NCAM1: variants seen among roughly 807,000 people sequenced by gnomAD.
NCAM1 encodes antigen recognized by monoclonal antibody 5.1H11.
In NCAM1, 14 loss-of-function variants were observed where a neutral mutation model predicts 109.8. The observed-to-expected ratio is 0.13, with a 90% CI of 0.08 to 0.20. The LOEUF (loss-of-function observed/expected upper bound fraction) is 0.20. NCAM1 is among the 10% of genes least tolerant of loss of function. The pLI is 1.00. For missense variants in NCAM1, 774 were observed against 1,109.9 expected, an observed-to-expected ratio of 0.70 and a Z score of 4.30; for synonymous variants, 418 against 442.9, an observed-to-expected ratio of 0.94 and a Z score of 0.70.
chr11:113,218,334 C>T (rs72995511), intron 8 of NCAM1, among the ~76,000 whole-genome samples: 17 of 152,250 alleles, frequency 1.1e-4, no homozygotes, highest in Non-Finnish European at 2.1e-4. Context: ...CTTGATGCCA[C>T]GGTGCCACAG....
rs546652886 is a variant in NCAM1, at chr11:112,971,290, T to C, written c.52+9626T>C. Among the ~76,000 whole-genome samples the C allele has an allele frequency of 2.6e-5, 4 of 152,106 alleles. No individual in the cohort carries two copies. The South Asian group carries it at 8.3e-4, about 32-fold the overall frequency. On this transcript the variant is annotated intron_variant, in intron 1 of 19. Coordinates refer to ENST00000316851, the MANE Select transcript of NCAM1 (RefSeq NM_181351.5). ...TCTCTCTGTGTAATATGTAACTTGG[T>C]TGTAATGGAAAATACATTCTTTTGG...
chr11:112,967,190 G>A (rs1193707565), intron 1 of NCAM1, among the ~76,000 whole-genome samples: 2 of 152,288 alleles, frequency 1.3e-5, no homozygotes, highest in East Asian at 3.9e-4. Context: ...GAGATAAGGT[G>A]TAAAATGCCT....
intron 1 of NCAM1, among the ~76,000 whole-genome samples, chr11:113,189,449 CAAAAA>C (rs10712434): frequency 1.7e-5 from 2 of 118,024 alleles, no homozygotes; most frequent in Admixed American, 8.7e-5. Context: ...GATTCTGTCT[CAAAAA>C]AAAAAAAAAA....
intron 1 of NCAM1, among the ~76,000 whole-genome samples, chr11:113,082,748 C>T (rs1303424388): frequency 6.6e-6 from 1 of 152,194 alleles, no homozygotes; most frequent in Non-Finnish European, 1.5e-5. Context: ...TCAGACCTGG[C>T]TCGGCAAGGT....
chr11:113,086,486 A>G (rs1939096229), intron 1 of NCAM1, among the ~76,000 whole-genome samples: 1 of 152,230 alleles, frequency 6.6e-6, no homozygotes, highest in Non-Finnish European at 1.5e-5. Flanking sequence ...GATATTGAAG[A>G]TTAAACAGCT....
At chr11:113,203,983 G>A (rs1306290636) in intron 2 of NCAM1, among the ~76,000 whole-genome samples, 7 of 152,210 alleles carry the variant, frequency 4.6e-5, no homozygotes, top group Non-Finnish European at 1.0e-4. Context: ...CCAGCACACA[G>A]TATGTTCTCA....
intron 1 of NCAM1, among the ~76,000 whole-genome samples, chr11:113,090,333 T>C (rs1260586020): frequency 6.6e-6 from 1 of 152,192 alleles, no homozygotes; most frequent in Non-Finnish European, 1.5e-5. Context: ...CAAATACATC[T>C]TCTGTAAGGG....
At chr11:113,253,837 T>A (rs1945763972) in intron 15 of NCAM1, among the ~76,000 whole-genome samples, 1 of 152,182 alleles carries the variant, frequency 6.6e-6, no homozygotes, top group Non-Finnish European at 1.5e-5. Flanking sequence ...AAATAATTTG[T>A]TCATTTGCAG....
intron 1 of NCAM1, among the ~76,000 whole-genome samples, chr11:113,082,863 A>G (rs1447320241): frequency 6.6e-6 from 1 of 152,212 alleles, no homozygotes; most frequent in African/African-American, 2.4e-5. Context: ...ATAAATGAGC[A>G]AGGTGCCTCT....
chr11:113,112,578 G>A (rs1940492511), intron 1 of NCAM1, among the ~76,000 whole-genome samples: 1 of 152,004 alleles, frequency 6.6e-6, no homozygotes, highest in Admixed American at 6.6e-5. Flanking sequence ...GATACTTAAG[G>A]TTTCCTATAA....
intron 1 of NCAM1, among the ~76,000 whole-genome samples, chr11:113,105,869 A>G (rs1555092447): frequency 6.6e-6 from 1 of 152,200 alleles, no homozygotes; most frequent in African/African-American, 2.4e-5. Context: ...AAAAGCCACT[A>G]ATCTTTAAAA....
At chr11:113,234,923 C>T (rs1357738855) in intron 13 of NCAM1, 110 bp from the exon 14 acceptor site, 8 of 1,356,484 alleles carry the variant, frequency 5.9e-6, no homozygotes, top group Non-Finnish European at 7.9e-6. Flanking sequence ...ATTGCTGGAC[C>T]AAATGATAAA....
intron 1 of NCAM1, among the ~76,000 whole-genome samples, chr11:113,077,118 A>G (rs1938560715): frequency 6.6e-6 from 1 of 152,218 alleles, no homozygotes; most frequent in Admixed American, 6.5e-5. Flanking sequence ...TATCAGACAC[A>G]GCCCCTTCTT....
intron 1 of NCAM1, among the ~76,000 whole-genome samples, chr11:113,179,712 T>C (rs1943273365): frequency 6.6e-6 from 1 of 152,196 alleles, no homozygotes; most frequent in Non-Finnish European, 1.5e-5. Flanking sequence ...CACCAAAAGA[T>C]TTTGGAAAGC....
chr11:113,104,699 T>C (rs1940071834), intron 1 of NCAM1, among the ~76,000 whole-genome samples: 1 of 152,190 alleles, frequency 6.6e-6, no homozygotes, highest in African/African-American at 2.4e-5. Context: ...CATAGCCTTA[T>C]AATTACTGAT....
At chr11:113,269,829 A>G in intron 17 of NCAM1, 2 of 309,938 alleles carry the variant, frequency 6.5e-6, no homozygotes, top group Non-Finnish European at 1.2e-5. Context: ...TGTGCTGCAA[A>G]GCCTTTTGCC....
chr11:113,084,009 TCAA>T (rs1938968415), intron 1 of NCAM1, among the ~76,000 whole-genome samples: 1 of 152,148 alleles, frequency 6.6e-6, no homozygotes, highest in Non-Finnish European at 1.5e-5. Flanking sequence ...ATGCTCCAAG[TCAA>T]GGAAATACAT....
chr11:113,153,123 A>C (rs1425459766), intron 1 of NCAM1, among the ~76,000 whole-genome samples: 1 of 151,698 alleles, frequency 6.6e-6, no homozygotes, highest in Admixed American at 6.6e-5. Flanking sequence ...GTTCACTGCA[A>C]CCTCCGCCTC....
chr11:113,009,775 G>T (rs1555074048), intron 1 of NCAM1, among the ~76,000 whole-genome samples: 1 of 152,178 alleles, frequency 6.6e-6, no homozygotes, highest in Admixed American at 6.5e-5. Flanking sequence ...GATAAAGGGA[G>T]TAATATGGGT....
Sources: gnomAD v4.1 joint callset for allele counts (sites outside exome capture counted in the v4.1 genomes callset) on GRCh38, gnomAD v4.1.1 for gene constraint, MANE v1.5 for transcripts, NCBI Gene and HGNC (gene_info 2026-07-23, HGNC 2026-07-21) for gene names.